Variants in POU2F1 observed in about 807,000 individuals in gnomAD.
POU2F1 encodes the protein POU class 2 homeobox 1.
Under a neutral mutation model 84.9 loss-of-function variants are expected in POU2F1, and 16 were observed. That is an observed-to-expected ratio of 0.19 (90% CI 0.13 to 0.29). POU2F1 has a LOEUF of 0.29. Ranked by LOEUF, POU2F1 falls within the 10% of genes least tolerant of loss-of-function variation. The pLI is 1.00. For synonymous variants in POU2F1, 368 were observed against 368.3 expected (o/e 1.00, Z 0.01); for missense variants, 738 against 942.6 (o/e 0.78, Z 2.84).
chr1:167,303,306 G>A (rs1654844576), intron 1 of POU2F1, among the ~76,000 whole-genome samples: 2 of 152,180 alleles, frequency 1.3e-5, no homozygotes, highest in South Asian at 4.1e-4. Context: ...TTTCTGTTTT[G>A]TAGGTGAGGA....
At chr1:167,307,061 A>G (rs1300234660) in intron 1 of POU2F1, among the ~76,000 whole-genome samples, 1 of 152,224 alleles carries the variant, frequency 6.6e-6, no homozygotes, top group African/African-American at 2.4e-5. Context: ...TACCACATTT[A>G]AAATTCATTT....
Position 167,383,872 on chromosome 1 carries a change from A to G in POU2F1, c.734A>G (p.Gln245Arg), listed in dbSNP as rs769083342. Residue 245 changes from glutamine to arginine, a missense_variant, in exon 8 of 16, where the codon CAA becomes CGA. Physicochemically the swap from Gln to Arg is conservative, Grantham distance 43. Around this residue, in one of 4 missense-constraint regions of POU2F1, gnomAD observed 163 missense variants for 214.4 expected, o/e 0.76. Transcript: ENST00000367866. ...PQGQQGLLQAQNLLTQLPQQS... is the reference protein window; with the variant it reads ...PQGQQGLLQARNLLTQLPQQS... ...TCTTCTACAGGTCTCCTGCAAGCGCAAAATCTTCTAACGCAACTACCTCAG... is the reference window on the plus strand; with the variant it reads ...TCTTCTACAGGTCTCCTGCAAGCGCGAAATCTTCTAACGCAACTACCTCAG... The G allele has an allele frequency of 6.2e-7, 1 of 1,613,610 alleles. No individual in the cohort carries two copies. Among genetic ancestry groups the G allele is most frequent in the Non-Finnish European group, 8.5e-7 (1 of 1,179,698 alleles).
At chr1:167,390,274 G>C (rs925993704) in intron 9 of POU2F1, among the ~76,000 whole-genome samples, 2 of 152,128 alleles carry the variant, frequency 1.3e-5, no homozygotes, top group African/African-American at 4.8e-5. Context: ...TTTAATGTTA[G>C]TCTAGAAGCT....
chr1:167,269,638 C>T (rs1652218740), intron 1 of POU2F1, among the ~76,000 whole-genome samples: 1 of 152,094 alleles, frequency 6.6e-6, no homozygotes, highest in Admixed American at 6.5e-5. Flanking sequence ...TTGGGTTGGG[C>T]GCGGTGACTC....
At chr1:167,404,204 T>C (rs2101925061) in intron 13 of POU2F1, among the ~76,000 whole-genome samples, 1 of 152,282 alleles carries the variant, frequency 6.6e-6, no homozygotes, top group South Asian at 2.1e-4. Context: ...AGTTAGGATT[T>C]TTTGGCATTC....
At chr1:167,397,700 T>C (rs1279831696) in intron 10 of POU2F1, among the ~76,000 whole-genome samples, 1 of 152,108 alleles carries the variant, frequency 6.6e-6, no homozygotes, top group Non-Finnish European at 1.5e-5. Context: ...CGCACGCCAC[T>C]GTGCCCAGCT....
intron 8 of POU2F1, 72 bp from the exon 9 acceptor site, chr1:167,389,516 G>T (rs1198132814): frequency 9.8e-6 from 15 of 1,533,656 alleles, no homozygotes; most frequent in Non-Finnish European, 1.3e-5. Context: ...CTTTCCTTCA[G>T]TTGTTTACTT....
rs1653116158 is a variant in POU2F1, at chr1:167,281,279, T to TA, written c.62-51190dup. Among the ~76,000 whole-genome samples the TA allele has an allele frequency of 2.0e-5, 3 of 152,338 alleles. No individual in the cohort carries two copies. The South Asian group carries it at 6.2e-4, about 32-fold the overall frequency. On this transcript the variant is annotated intron_variant, in intron 1 of 15. Coordinates refer to ENST00000367866, the MANE Select transcript of POU2F1 (RefSeq NM_002697.4). ...ACCTGTGATACAGCTCTAGGTGTGA[T>TA]AGAGTTAACTGGGTGACAACTGAAA...
chr1:167,257,497 G>GT (rs1651230668), intron 1 of POU2F1, among the ~76,000 whole-genome samples: 1 of 152,128 alleles, frequency 6.6e-6, no homozygotes, highest in Non-Finnish European at 1.5e-5. Context: ...TGTTGGAACC[G>GT]TATAGGGCTG....
At chr1:167,223,702 A>T (rs1159899772) in intron 1 of POU2F1, among the ~76,000 whole-genome samples, 1 of 152,104 alleles carries the variant, frequency 6.6e-6, no homozygotes, top group Admixed American at 6.5e-5. Context: ...TCTTTCACTC[A>T]CAGTAGGCAG....
chr1:167,332,698 T>A (rs923608417), intron 2 of POU2F1, among the ~76,000 whole-genome samples, 163 bp downstream of exon 2: 2 of 152,234 alleles, frequency 1.3e-5, no homozygotes, highest in African/African-American at 4.8e-5. Flanking sequence ...TATGTTTGTT[T>A]AAGATTACTT....
At chr1:167,375,593 G>A (rs538728209) in intron 6 of POU2F1, among the ~76,000 whole-genome samples, 1 of 152,288 alleles carries the variant, frequency 6.6e-6, no homozygotes, top group Non-Finnish European at 1.5e-5. Flanking sequence ...ATAAGCTGTT[G>A]TCAAATGTCA....
intron 2 of POU2F1, among the ~76,000 whole-genome samples, chr1:167,355,971 A>G (rs1658906066): frequency 6.6e-6 from 1 of 151,752 alleles, no homozygotes; most frequent in Admixed American, 6.6e-5. Context: ...TTTTTGAGAC[A>G]GGGTCTCACT....
At chr1:167,399,100 A>G in intron 11 of POU2F1, 86 bp from the exon 12 acceptor site, 5 of 1,355,184 alleles carry the variant, frequency 3.7e-6, no homozygotes, top group Non-Finnish European at 4.0e-6. Flanking sequence ...TCCCAGCTTC[A>G]TTTTCTAACC....
At chr1:167,237,764 ATATATATATTTTT>A (rs1649589575) in intron 1 of POU2F1, among the ~76,000 whole-genome samples, 2 of 16,306 alleles carry the variant, frequency 1.2e-4, no homozygotes, top group African/African-American at 3.1e-4. Context: ...ATATATATAT[ATATATATATTTTT>A]TTTTTTTTTT....
At chr1:167,342,743 A>G (rs1325830384) in intron 2 of POU2F1, among the ~76,000 whole-genome samples, 1 of 152,176 alleles carries the variant, frequency 6.6e-6, no homozygotes, top group East Asian at 1.9e-4. Flanking sequence ...TTTTGAACTT[A>G]CGTTTATCCA....
At chr1:167,375,988 T>C in intron 6 of POU2F1, 41 bp from the exon 7 acceptor site, 1 of 1,611,162 alleles carries the variant, frequency 6.2e-7, no homozygotes, top group Non-Finnish European at 8.5e-7. Context: ...CGAACTTTTA[T>C]TTCAGAATCT....
chr1:167,289,163 TGTTTCTTTTTTTGAAATA>T (rs1653739369), intron 1 of POU2F1, among the ~76,000 whole-genome samples: 1 of 152,196 alleles, frequency 6.6e-6, no homozygotes, highest in Non-Finnish European at 1.5e-5. Context: ...TCTGAGCACA[TGTTTCTTTTTTTGAAATA>T]GTTTCTTTGA....
rs71073658 is a variant in POU2F1, at chr1:167,267,630, C to CTTTTT, written c.61+46693_61+46697dup. Among the ~76,000 whole-genome samples the CTTTTT allele has an allele frequency of 9.4e-3, 665 of 70,456 alleles. 99 individuals are homozygous for CTTTTT. The highest frequency in any genetic ancestry group is 0.016 in the African/African-American group (294 of 18,342). 46.2% of individuals were successfully genotyped at this position (70,456 alleles called of 152,430 possible). ...TGTGAAAGTATCACAGTTACTGTGT[C>CTTTTT]TTTTTTTTTTTTTTTTTTTTTTTTT... is the stretch of plus-strand genomic sequence containing the variant. On this transcript the variant is annotated intron_variant, in intron 1 of 15. Coordinates refer to ENST00000367866, the MANE Select transcript of POU2F1 (RefSeq NM_002697.4).
Sources: gnomAD v4.1 joint callset for allele counts (sites outside exome capture counted in the v4.1 genomes callset) on GRCh38, gnomAD v4.1.1 for gene constraint, gnomAD v4.1.1 regional missense constraint, MANE v1.5 for transcripts, NCBI Gene and HGNC (gene_info 2026-07-23, HGNC 2026-07-21) for gene names.